Variants in CHPT1 observed in about 807,000 individuals in gnomAD.
CHPT1 encodes cholinephosphotransferase 1.
Under a neutral mutation model 47.6 loss-of-function variants are expected in CHPT1, and 36 were observed. The observed-to-expected ratio is 0.76, with a 90% CI of 0.58 to 1.00. The LOEUF is 1.00. CHPT1 is among the 50% of genes least tolerant of loss of function. The pLI, the probability that CHPT1 is intolerant of heterozygous loss-of-function variation, is 0.00. For synonymous variants in CHPT1, 194 were observed against 186.3 expected (o/e 1.04, Z -0.33); for missense variants, 458 against 498.1 (o/e 0.92, Z 0.77).
chr12:101,705,915 G>T lies in CHPT1; in HGVS notation c.273+7781G>T, dbSNP rs374601515. Among the ~76,000 whole-genome samples the T allele has an allele frequency of 3.2e-4, 48 of 151,362 alleles. No homozygotes were observed. The East Asian group carries it at 8.3e-3, about 26-fold the overall frequency. On this transcript the variant is annotated intron_variant, in intron 1 of 8. Transcript: ENST00000229266. ...TAATTTTTGTATTTTTAGTAGAGAC[G>T]GGGTTTCACTATGTTGGCCAGGCTG...
intron 5 of CHPT1, among the ~76,000 whole-genome samples, chr12:101,721,314 A>T (rs1020061561): frequency 6.6e-4 from 100 of 152,190 alleles, no homozygotes; most frequent in African/African-American, 2.4e-3. Context: ...CCTTTTTAGG[A>T]TTGCTTTAAA....
chr12:101,700,324 A>G (rs1025034641), intron 1 of CHPT1, among the ~76,000 whole-genome samples: 1 of 17,470 alleles, frequency 5.7e-5, no homozygotes, highest in African/African-American at 1.4e-4. Flanking sequence ...GCCTCATGTG[A>G]AAAAAAAAAA....
chr12:101,707,791 G>C (rs1288385726), intron 1 of CHPT1, among the ~76,000 whole-genome samples: 1 of 152,176 alleles, frequency 6.6e-6, no homozygotes, highest in African/African-American at 2.4e-5. Flanking sequence ...CTGTTTCTCA[G>C]TGAGTTACAG....
chr12:101,720,222 G>C lies in CHPT1; in HGVS notation c.748G>C (p.Gly250Arg), dbSNP rs1951829104. Residue 250 changes from glycine (G) to arginine (R), a missense_variant, in exon 5 of 9, where the codon GGT becomes CGT. Transcript: ENST00000229266. ...CSNYFHVILHGGVGKNGSTIA... is the reference protein window; with the variant it reads ...CSNYFHVILHRGVGKNGSTIA... ...AAATTATTTCCATGTTATCCTCCAT[G>C]GTGGTGTTGGCAAGAATGGATCCAC... 2.5e-6 allele frequency: 4 copies of C among 1,604,334 alleles called. No individual in the cohort carries two copies. Among genetic ancestry groups the C allele is most frequent in the Non-Finnish European group, 3.4e-6 (4 of 1,175,812 alleles).
chr12:101,703,664 C>T (rs777959711), intron 1 of CHPT1, among the ~76,000 whole-genome samples: 1 of 152,152 alleles, frequency 6.6e-6, no homozygotes, highest in African/African-American at 2.4e-5. Context: ...TGGAGCCTCC[C>T]CAGGCCTCAG....
chr12:101,723,971 C>T, intron 7 of CHPT1, 124 bp downstream of exon 7: 1 of 672,812 alleles, frequency 1.5e-6, no homozygotes. Flanking sequence ...AATCCCAGCA[C>T]TTTGGGAGGC....
intron 1 of CHPT1, among the ~76,000 whole-genome samples, chr12:101,712,507 TTTTCTC>T (rs1449013915): frequency 6.7e-5 from 10 of 148,790 alleles, no homozygotes; most frequent in Non-Finnish European, 1.5e-4. Flanking sequence ...CCATCCGCTC[TTTTCTC>T]TTTCTAAGAC....
rs1168688163 is a variant in CHPT1, at chr12:101,698,948, C to G, written c.273+814C>G. ...TTACATTGCACATTCTGTGACATTA[C>G]TTTCTATTCTCTGCTCCAAATAGTG... On this transcript the variant is annotated intron_variant, in intron 1 of 8. Transcript: ENST00000229266. Among the ~76,000 whole-genome samples the G allele has an allele frequency of 2.0e-5, 3 of 152,222 alleles. No individual in the cohort carries two copies. The South Asian group carries it at 6.2e-4, about 32-fold the overall frequency.
chr12:101,716,592 A>C (rs1288620770), intron 3 of CHPT1, 136 bp from the exon 4 acceptor site: 14 of 548,830 alleles, frequency 2.6e-5, no homozygotes, highest in Non-Finnish European at 4.4e-5. Flanking sequence ...CTGATAATTC[A>C]ATAATGGAAG....
intron 7 of CHPT1, among the ~76,000 whole-genome samples, chr12:101,725,580 A>G (rs1951929682): frequency 1.3e-5 from 2 of 151,762 alleles, no homozygotes; most frequent in Non-Finnish European, 2.9e-5. Context: ...TGGTAAACTG[A>G]GGAAGTCAAA....
intron 4 of CHPT1, chr12:101,719,591 T>C (rs1417941036): frequency 2.9e-6 from 3 of 1,048,506 alleles, no homozygotes. Context: ...ATCATGATAT[T>C]TGTTACATTT....
intron 4 of CHPT1, 44 bp from the exon 5 acceptor site, chr12:101,720,079 C>A (rs1951827062): frequency 1.4e-6 from 2 of 1,468,968 alleles, no homozygotes; most frequent in Non-Finnish European, 1.8e-6. Flanking sequence ...AATAAAAAAC[C>A]AAAATTCTGT....
chr12:101,725,134 G>C (rs559472430), intron 7 of CHPT1, among the ~76,000 whole-genome samples: 2 of 152,004 alleles, frequency 1.3e-5, no homozygotes, highest in Non-Finnish European at 2.9e-5. Context: ...TCTGTGCATG[G>C]ATTACAGGAG....
At chr12:101,728,856 C>A (rs958756674) in intron 8 of CHPT1, 45 bp from the exon 9 acceptor site, 3 of 1,596,812 alleles carry the variant, frequency 1.9e-6, no homozygotes, top group African/African-American at 1.3e-5. Flanking sequence ...TAAAGACTTA[C>A]AATATGCTTC....
intron 4 of CHPT1, among the ~76,000 whole-genome samples, chr12:101,718,228 C>A (rs1197040973): frequency 1.3e-5 from 2 of 152,140 alleles, no homozygotes; most frequent in African/African-American, 4.8e-5. Flanking sequence ...TCATAGCACA[C>A]AGAATGTGTA....
At chr12:101,727,346 T>C (rs1236026894) in intron 8 of CHPT1, 2 of 152,184 alleles carry the variant, frequency 1.3e-5, no homozygotes, top group African/African-American at 4.8e-5. Context: ...TCCACTCTAA[T>C]TGAAATGTAT....
At position 101,699,607 on chromosome 12, in the gene CHPT1, C is replaced by G. The variant is rs1488369662; in HGVS notation, c.273+1473C>G. 2.6e-5 allele frequency among the ~76,000 whole-genome samples: 4 copies of G among 152,058 alleles called. No homozygotes were observed. The East Asian group carries it at 7.7e-4, about 29-fold the overall frequency. The stretch of plus-strand genomic sequence containing the variant: ...TTCACCATATTGGCCAGGCTGGTCT[C>G]GAACTCCTGACCTCAAGTGATCCGC... On this transcript the variant is annotated intron_variant, in intron 1 of 8. Coordinates refer to ENST00000229266, the MANE Select transcript of CHPT1 (RefSeq NM_020244.3).
intron 1 of CHPT1, among the ~76,000 whole-genome samples, chr12:101,707,815 G>C (rs1339509235): frequency 6.6e-6 from 1 of 152,162 alleles, no homozygotes; most frequent in Non-Finnish European, 1.5e-5. Context: ...TGTGGGCAAG[G>C]AAGAAGAGAA....
intron 8 of CHPT1, 153 bp downstream of exon 8, chr12:101,726,557 TTG>T (rs1951948713): frequency 1.7e-6 from 2 of 1,145,830 alleles, no homozygotes; most frequent in East Asian, 2.6e-5. Context: ...GTAGATTTCA[TTG>T]TGTCTTATTT....
Sources: allele counts gnomAD v4.1 joint callset (sites outside exome capture counted in the v4.1 genomes callset), GRCh38; gene constraint gnomAD v4.1.1; transcripts MANE v1.5; gene names NCBI Gene and HGNC (gene_info 2026-07-23, HGNC 2026-07-21).